Variants in EXD3 observed in about 807,000 individuals in gnomAD.
The protein encoded by EXD3 is exonuclease 3'-5' domain containing 3.
A neutral mutation model predicts 98.0 loss-of-function variants in EXD3; 92 were observed. That is an observed-to-expected ratio of 0.94 (90% CI 0.79 to 1.12). The LOEUF (loss-of-function observed/expected upper bound fraction) is 1.12. Among genes scored for constraint, EXD3 ranks in the 50% most tolerant of loss-of-function variants. The probability of loss-of-function intolerance (pLI) is 0.00; values close to 1 mark genes in which losing one functional copy is unlikely to be tolerated. For missense variants in EXD3, 1,222 were observed against 1,191.6 expected (o/e 1.03, Z -0.38); for synonymous variants, 569 against 526.0 (o/e 1.08, Z -1.12).
intron 8 of EXD3, among the ~76,000 whole-genome samples, chr9:137,355,622 G>GAGAA (rs1564508891): frequency 3.3e-4 from 2 of 6,102 alleles, no homozygotes; most frequent in Non-Finnish European, 5.4e-4. Context: ...AAGGAGGAAG[G>GAGAA]GAGGATGGAG....
chr9:137,390,047 G>C (rs1836812410), intron 2 of EXD3, among the ~76,000 whole-genome samples: 2 of 148,964 alleles, frequency 1.3e-5, no homozygotes, highest in African/African-American at 5.0e-5. Context: ...ACTTGAACCT[G>C]GGAGGTGGAG....
At chr9:137,343,501 T>C (rs1191559177) in intron 17 of EXD3, 1 of 150,938 alleles carries the variant, frequency 6.6e-6, no homozygotes, top group Non-Finnish European at 1.5e-5. Context: ...TGTGCTTCTA[T>C]AGGTTCCCAA....
chr9:137,421,870 C>T (rs1430701252), intron 1 of EXD3, among the ~76,000 whole-genome samples: 1 of 152,106 alleles, frequency 6.6e-6, no homozygotes, highest in African/African-American at 2.4e-5. Context: ...GAAAGAAGAA[C>T]ATGGATTTTA....
At chr9:137,374,977 T>A in intron 3 of EXD3, 2 of 456,252 alleles carry the variant, frequency 4.4e-6, no homozygotes, top group Non-Finnish European at 5.8e-6. Context: ...GTTCCAGCTC[T>A]AGTAAGTTGT....
chr9:137,379,574 C>T (rs1836122487), intron 3 of EXD3, among the ~76,000 whole-genome samples: 1 of 151,862 alleles, frequency 6.6e-6, no homozygotes. Flanking sequence ...ATGAACCATT[C>T]TGAAACCAGA....
chr9:137,345,022 C>T (rs369684959), intron 17 of EXD3, among the ~76,000 whole-genome samples: 96 of 152,344 alleles, frequency 6.3e-4, no homozygotes, highest in African/African-American at 2.2e-3. Flanking sequence ...GCAGCAGAAA[C>T]AGGCCAGGCT....
intron 19 of EXD3, among the ~76,000 whole-genome samples, chr9:137,318,862 C>T (rs1251889255): frequency 6.6e-6 from 1 of 152,232 alleles, no homozygotes; most frequent in East Asian, 1.9e-4. Flanking sequence ...CCTGGCCAGG[C>T]CCCTGGCCCA....
In EXD3 at chr9:137,367,989, C is replaced by T. The variant is rs1835358160; in HGVS notation, c.463G>A (p.Ala155Thr). The T allele has an allele frequency of 1.2e-6, 2 of 1,608,724 alleles. No individual in the cohort carries two copies. Among genetic ancestry groups the T allele is most frequent in the African/African-American group, 2.7e-5 (2 of 75,046 alleles). ...RLHHEGRFREAATLGATLKLQ... is the reference protein window; with the variant it reads ...RLHHEGRFRETATLGATLKLQ... ...TTCAACGTCGCGCCCAGCGTGGCTG[C>T]CTGGCAAACACAAAGGCGGCAGATT... Residue 155 changes from alanine (A) to threonine (T), a missense_variant and splice_region_variant, in exon 6 of 22, where the codon GCA becomes ACA. Physicochemically the swap from Ala to Thr is moderately conservative, Grantham distance 58. Transcript: ENST00000340951.
chr9:137,422,762 G>A (rs1297718522), intron 1 of EXD3, among the ~76,000 whole-genome samples: 2 of 152,118 alleles, frequency 1.3e-5, no homozygotes, highest in Non-Finnish European at 2.9e-5. Flanking sequence ...GTCCCACCGG[G>A]AGCGCCTCCT....
intron 6 of EXD3, among the ~76,000 whole-genome samples, chr9:137,367,334 T>A (rs1178167090): frequency 6.6e-6 from 1 of 152,140 alleles, no homozygotes; most frequent in Non-Finnish European, 1.5e-5. Flanking sequence ...CTGCAGGCTG[T>A]GTAGACACCC....
At chr9:137,401,361 T>G (rs1045364795) in intron 1 of EXD3, among the ~76,000 whole-genome samples, 20 of 152,214 alleles carry the variant, frequency 1.3e-4, no homozygotes. Flanking sequence ...TTCACCGTGT[T>G]AGCCAGGATG....
At chr9:137,394,879 C>T (rs1036102009) in intron 2 of EXD3, among the ~76,000 whole-genome samples, 2 of 152,142 alleles carry the variant, frequency 1.3e-5, no homozygotes, top group Non-Finnish European at 2.9e-5. Flanking sequence ...CGCCCGAGAC[C>T]CAAGAGGCTG....
chr9:137,348,979 C>T (rs4078072), intron 16 of EXD3, 131 bp downstream of exon 16: 73,007 of 1,128,128 alleles, frequency 0.065, 3,258 homozygotes, highest in African/African-American at 0.19. Flanking sequence ...GCTCCCCTCT[C>T]GCTCCAGGAG....
At chr9:137,400,815 T>C (rs529092808) in intron 1 of EXD3, among the ~76,000 whole-genome samples, 1 of 151,848 alleles carries the variant, frequency 6.6e-6, no homozygotes, top group South Asian at 2.1e-4. Context: ...ACAAAGGGAT[T>C]ACAGGGCCCA....
At chr9:137,353,965 G>C in intron 10 of EXD3, 1 of 1,078,306 alleles carries the variant, frequency 9.3e-7, no homozygotes. Context: ...CTCTGCGCTG[G>C]CACCGGGCTG....
chr9:137,330,213 GCTACACAGGAA>G lies in EXD3; in HGVS notation c.1999-6081_1999-6071del, dbSNP rs749573449. Reference sequence around the variant, plus strand: ...CAGGACTACACAGGACTACACAGGAGCTACACAGGAACTACACAGGACTACACAGGAGCTAC... The same window carrying G: ...CAGGACTACACAGGACTACACAGGAGCTACACAGGACTACACAGGAGCTAC... On this transcript the variant is annotated intron_variant, in intron 17 of 21. Transcript: ENST00000340951. 4.4e-4 allele frequency among the ~76,000 whole-genome samples: 58 copies of G among 131,238 alleles called. 2 individuals are homozygous for G. The highest frequency in any genetic ancestry group is 1.6e-3 in the African/African-American group (52 of 33,160). 86.1% of individuals were successfully genotyped at this position (131,238 alleles called of 152,430 possible).
chr9:137,388,103 T>TC (rs1836699508), intron 2 of EXD3, among the ~76,000 whole-genome samples: 2 of 151,990 alleles, frequency 1.3e-5, no homozygotes, highest in South Asian at 4.2e-4. Flanking sequence ...AGTCCCACAG[T>TC]CCCCCGAATG....
intron 10 of EXD3, chr9:137,353,217 C>T (rs535699674): frequency 1.0e-6 from 1 of 983,830 alleles, no homozygotes; most frequent in African/African-American, 1.8e-5. Context: ...CTCCAAGCCT[C>T]CACTGACCTT....
chr9:137,373,888 G>C (rs551163718), intron 3 of EXD3, among the ~76,000 whole-genome samples: 1 of 152,368 alleles, frequency 6.6e-6, no homozygotes, highest in East Asian at 1.9e-4. Context: ...CGTAGCCCGA[G>C]CCACAGGTTC....
Sources: gnomAD v4.1 joint callset for allele counts (sites outside exome capture counted in the v4.1 genomes callset) on GRCh38, gnomAD v4.1.1 for gene constraint, MANE v1.5 for transcripts, NCBI Gene and HGNC (gene_info 2026-07-23, HGNC 2026-07-21) for gene names.